The following FBN2 variants were observed in gnomAD, a reference collection of about 807,000 sequenced individuals.
The protein encoded by FBN2 is fibrillin-2.
In FBN2, 105 loss-of-function variants were observed where a neutral mutation model predicts 355.6. The observed-to-expected ratio is 0.30, with a 90% CI of 0.25 to 0.35. FBN2 has a LOEUF of 0.35. Ranked by LOEUF, FBN2 falls within the 10% of genes least tolerant of loss-of-function variation. The probability of loss-of-function intolerance (pLI) is 1.00; values close to 1 mark genes in which losing one functional copy is unlikely to be tolerated. For missense variants in FBN2, 3,280 were observed against 3,758.7 expected (o/e 0.87, Z 3.33); for synonymous variants, 1,350 against 1,301.2 (o/e 1.04, Z -0.81).
At chr5:128,474,893 G>A (rs754288275) in intron 5 of FBN2, among the ~76,000 whole-genome samples, 6 of 152,136 alleles carry the variant, frequency 3.9e-5, no homozygotes, top group African/African-American at 7.2e-5. Flanking sequence ...AGAATTCTAG[G>A]GAAATGCTGA....
At chr5:128,397,844 A>G (rs1752688421) in intron 8 of FBN2, among the ~76,000 whole-genome samples, 2 of 152,114 alleles carry the variant, frequency 1.3e-5, no homozygotes, top group South Asian at 4.1e-4. Flanking sequence ...TGCCCGGGGC[A>G]TAAGACATAA....
rs371292311 is a variant in FBN2 at position 128,464,878 on chromosome 5, C to T, written c.672G>A (p.Met224Ile). 3.1e-6 allele frequency: 5 copies of T among 1,614,116 alleles called. No individual in the cohort carries two copies. The highest frequency in any genetic ancestry group is 4.2e-6 in the Non-Finnish European group (5 of 1,180,062). ...CAATGCCTGTCAGCTGCCCTTGGCACATCTGGTTGTTGACCTGAGTGAAAC... is the reference window on the plus strand; with the variant it reads ...CAATGCCTGTCAGCTGCCCTTGGCATATCTGGTTGTTGACCTGAGTGAAAC... ...GPCFTQVNNQ[M>I]CQGQLTGIVC... The change falls in exon 6 of 65, where the codon ATG becomes ATA. Residue 224 changes from methionine to isoleucine, a missense_variant. Physicochemically the swap from Met to Ile is conservative, Grantham distance 10 (BLOSUM62 1). This residue lies in a region of FBN2 where 130 missense variants were observed against 189.9 expected (regional missense o/e 0.68). Coordinates refer to ENST00000262464, the MANE Select transcript of FBN2 (RefSeq NM_001999.4).
chr5:128,502,326 G>A (rs909005786), intron 5 of FBN2, among the ~76,000 whole-genome samples: 5 of 151,624 alleles, frequency 3.3e-5, no homozygotes, highest in African/African-American at 1.2e-4. Context: ...AACTCTTTGA[G>A]CATCCAGGAA....
At chr5:128,441,830 C>T (rs2127048571) in intron 7 of FBN2, among the ~76,000 whole-genome samples, 1 of 152,238 alleles carries the variant, frequency 6.6e-6, no homozygotes, top group East Asian at 1.9e-4. Context: ...AGATGATTTT[C>T]ATGGTTTTTA....
At chr5:128,500,256 C>T (rs751357893) in intron 5 of FBN2, among the ~76,000 whole-genome samples, 11 of 151,572 alleles carry the variant, frequency 7.3e-5, no homozygotes, top group East Asian at 1.9e-4. Flanking sequence ...ACAACAACAA[C>T]AACAAAGGTC....
rs763997393 is a variant in FBN2 at position 128,464,765 on chromosome 5, C to A, written c.785G>T (p.Arg262Leu). ...EMCPAQPQPC[R>L]RGFIPNIRTG... ...GCGGATGTTGGGGATGAAACCCCGT[C>A]GGCAGGGCTGAGGCTGGGCTGGACA... Residue 262 changes from arginine (R) to leucine (L), a missense_variant, in exon 6 of 65, where the codon CGA (arginine) becomes CTA (leucine). Physicochemically the swap from Arg to Leu is moderately radical, Grantham distance 102. Around this residue, in one of 6 missense-constraint regions of FBN2, gnomAD observed 343 missense variants for 331.0 expected, o/e 1.04. Transcript: ENST00000262464. 1 of 1,614,054 alleles carries A rather than the reference C, an allele frequency of 6.2e-7. No individual in the cohort carries two copies. The highest frequency in any genetic ancestry group is 8.5e-7 in the Non-Finnish European group (1 of 1,180,012).
intron 5 of FBN2, among the ~76,000 whole-genome samples, chr5:128,468,928 T>A (rs1040645945): frequency 2.0e-5 from 3 of 152,242 alleles, no homozygotes; most frequent in African/African-American, 4.8e-5. Flanking sequence ...ACACAATTAA[T>A]CATCTCTTAC....
intron 6 of FBN2, among the ~76,000 whole-genome samples, chr5:128,457,383 G>C (rs897440291): frequency 6.6e-6 from 1 of 152,146 alleles, no homozygotes; most frequent in Non-Finnish European, 1.5e-5. Context: ...CATATTTCTG[G>C]ATATTATCCA....
chr5:128,331,443 G>GA (rs1750689037), intron 32 of FBN2, among the ~76,000 whole-genome samples: 1 of 152,168 alleles, frequency 6.6e-6, no homozygotes. Flanking sequence ...TGGCAAAGCA[G>GA]AATGCACCAG....
intron 64 of FBN2, among the ~76,000 whole-genome samples, chr5:128,260,088 G>T (rs941654234): frequency 6.6e-6 from 1 of 152,026 alleles, no homozygotes; most frequent in Non-Finnish European, 1.5e-5. Context: ...GTAATTAAAG[G>T]TACAGGACTG....
intron 48 of FBN2, among the ~76,000 whole-genome samples, chr5:128,299,434 C>T (rs193194367): frequency 3.3e-5 from 4 of 123,014 alleles, no homozygotes; most frequent in Admixed American, 8.2e-5. Flanking sequence ...CCCCCAGCCT[C>T]ACAGTTTGAT....
intron 20 of FBN2, among the ~76,000 whole-genome samples, chr5:128,351,858 G>GC (rs1751376539): frequency 6.7e-6 from 1 of 149,370 alleles, no homozygotes; most frequent in Non-Finnish European, 1.5e-5. Flanking sequence ...GAGCCAGTGC[G>GC]CCCCGCCCTT....
chr5:128,291,430 C>T (rs978166487), intron 49 of FBN2, 99 bp downstream of exon 49: 1 of 1,327,258 alleles, frequency 7.5e-7, no homozygotes, highest in Non-Finnish European at 1.1e-6. Context: ...TTAGCATAGA[C>T]ATGTATTTTG....
At position 128,364,670 on chromosome 5, in the gene FBN2, G is replaced by A. The variant is rs371981691; in HGVS notation, c.2358C>T (p.Asn786=). Residue 786 remains asparagine, a synonymous_variant, in exon 18 of 65, where the codon AAC becomes AAT. Coordinates refer to ENST00000262464, the MANE Select transcript of FBN2 (RefSeq NM_001999.4). ...AATTACAACGGTAACTACCACGTAA[G>A]TTTTCACAAATCCCATTGGCACATA... is the stretch of plus-strand genomic sequence containing the variant. ...PDICANGICE[N]LRGSYRCNCN... 29 of 1,613,326 alleles carry A rather than the reference G, an allele frequency of 1.8e-5. No individual in the cohort carries two copies. The Middle Eastern group carries it at 8.3e-4, about 46-fold the overall frequency.
At chr5:128,333,416 C>T (rs1750745328) in intron 31 of FBN2, among the ~76,000 whole-genome samples, 1 of 152,022 alleles carries the variant, frequency 6.6e-6, no homozygotes, top group African/African-American at 2.4e-5. Context: ...ATAGATGGTG[C>T]TATTCCTTCC....
chr5:128,467,665 A>G (rs1208230481), intron 5 of FBN2, among the ~76,000 whole-genome samples: 1 of 152,182 alleles, frequency 6.6e-6, no homozygotes, highest in Non-Finnish European at 1.5e-5. Context: ...TCACAAGGAT[A>G]CTTGCAGTGT....
chr5:128,344,662 C>T lies in FBN2; in HGVS notation c.3218-152G>A, dbSNP rs902233454. The T allele has an allele frequency of 1.4e-5, 10 of 701,434 alleles. No homozygotes were observed. The African/African-American group carries it at 1.4e-4, about 10-fold the overall frequency. The allele number at this position is 701,434 out of a possible 1,614,324, so 43.5% of individuals were successfully genotyped here. On this transcript the variant is annotated intron_variant, in intron 24 of 64. Coordinates refer to ENST00000262464, the MANE Select transcript of FBN2 (RefSeq NM_001999.4). ...TGTTTCAGTGATCACACTGATATCA[C>T]ACAGGAAGTTTCAATATGGTGAAAA...
At chr5:128,352,694 C>T (rs941872699) in intron 20 of FBN2, among the ~76,000 whole-genome samples, 40 of 152,102 alleles carry the variant, frequency 2.6e-4, no homozygotes, top group African/African-American at 8.7e-4. Context: ...ATAAGTTTCC[C>T]GGTATGCAGC....
intron 6 of FBN2, among the ~76,000 whole-genome samples, chr5:128,449,089 T>C (rs1754151996): frequency 6.6e-6 from 1 of 151,750 alleles, no homozygotes; most frequent in South Asian, 2.1e-4. Context: ...GGTAATATGT[T>C]AATAGAGATA....
Sources: gnomAD v4.1 joint callset for allele counts (sites outside exome capture counted in the v4.1 genomes callset) on GRCh38, gnomAD v4.1.1 for gene constraint, gnomAD v4.1.1 regional missense constraint, MANE v1.5 for transcripts, NCBI Gene and HGNC (gene_info 2026-07-23, HGNC 2026-07-21) for gene names.